Variants in CDK12 observed in about 807,000 individuals in gnomAD.
CDK12 encodes the protein cyclin-dependent kinase 12.
CDK12 carries 17 observed loss-of-function variants against 133.8 expected under a neutral mutation model. The observed-to-expected ratio is 0.13, with a 90% CI of 0.09 to 0.19. The LOEUF is 0.19. Among genes scored for constraint, CDK12 ranks in the 10% least tolerant of loss-of-function variants. CDK12 has a pLI of 1.00. For missense variants in CDK12, 1,508 were observed against 1,818.7 expected, an observed-to-expected ratio of 0.83 and a Z score of 3.11; for synonymous variants, 694 against 683.6, an observed-to-expected ratio of 1.02 and a Z score of -0.24.
chr17:39,488,444 C>CT (rs1286814590), intron 2 of CDK12, among the ~76,000 whole-genome samples: 1 of 152,062 alleles, frequency 6.6e-6, no homozygotes, highest in African/African-American at 2.4e-5. Context: ...GGTTTGCCTT[C>CT]TGCTTTGAAG....
upstream of CDK12, chr17:39,544,276 G>A: frequency 2.0e-6 from 1 of 488,214 alleles, no homozygotes; most frequent in Non-Finnish European, 4.1e-6. Context: ...AATGCCCTCT[G>A]AGGAATGCAG....
chr17:39,558,818 T>A (rs6503520), intron 3 of CDK12, among the ~76,000 whole-genome samples: 119,760 of 152,082 alleles, frequency 0.79, 47,673 homozygotes, highest in South Asian at 0.92. Context: ...TAATTTTCGT[T>A]TTTTTAGTAG....
At chr17:39,477,910 A>G (rs2050344706) in intron 2 of CDK12, among the ~76,000 whole-genome samples, 2 of 150,982 alleles carry the variant, frequency 1.3e-5, no homozygotes, top group East Asian at 2.0e-4. Context: ...GTTTCACTAC[A>G]TTGACCAGGC....
chr17:39,563,462 C>G (rs1199015918), intron 3 of CDK12, among the ~76,000 whole-genome samples: 1 of 27,052 alleles, frequency 3.7e-5, no homozygotes, highest in African/African-American at 9.8e-5. Flanking sequence ...TCTTGCTTCC[C>G]GCCCCCCCCC....
chr17:39,520,084 C>T lies in CDK12; in HGVS notation c.3092C>T (p.Pro1031Leu), dbSNP rs756065405. The change falls in exon 11 of 14, where the codon CCA (proline) becomes CTA (leucine). Residue 1031 changes from proline (P) to leucine (L), a missense_variant. This residue lies in a region of CDK12 where 399 missense variants were observed against 469.6 expected (regional missense o/e 0.85). Transcript: ENST00000447079. ...GTCGAACTCAGCAAAATGGCTCCTCCAGAGTAAGTGCTGGTAGCCATGTTG... is the reference window on the plus strand; with the variant it reads ...GTCGAACTCAGCAAAATGGCTCCTCTAGAGTAAGTGCTGGTAGCCATGTTG... Reference protein sequence around the residue: ...KDVELSKMAPPDLPHWQDCHE... With the variant: ...KDVELSKMAPLDLPHWQDCHE... 1 of 1,613,918 alleles carries T rather than the reference C, an allele frequency of 6.2e-7. No homozygotes were observed. Among genetic ancestry groups the T allele is most frequent in the Admixed American group, 1.7e-5 (1 of 60,000 alleles).
At chr17:39,472,230 C>T (rs1057483352) in intron 2 of CDK12, among the ~76,000 whole-genome samples, 1 of 152,042 alleles carries the variant, frequency 6.6e-6, no homozygotes, top group Non-Finnish European at 1.5e-5. Context: ...GTGATTTTCC[C>T]ACCTGGGCCT....
chr17:39,516,105 C>G (rs1310849358), intron 9 of CDK12, among the ~76,000 whole-genome samples: 1 of 152,148 alleles, frequency 6.6e-6, no homozygotes, highest in African/African-American at 2.4e-5. Flanking sequence ...ATTTATTCAG[C>G]AAACATTTAT....
chr17:39,481,647 T>TCTCTCTCGCG (rs2050682823), intron 2 of CDK12, among the ~76,000 whole-genome samples: 1 of 10,726 alleles, frequency 9.3e-5, no homozygotes, highest in African/African-American at 2.3e-4. Flanking sequence ...TCTCTCTCTC[T>TCTCTCTCGCG]CTCTCTCTCT....
At chr17:39,507,363 G>C (rs1243987365) in intron 6 of CDK12, among the ~76,000 whole-genome samples, 1 of 150,950 alleles carries the variant, frequency 6.6e-6, no homozygotes, top group Non-Finnish European at 1.5e-5. Flanking sequence ...GAGGCAGGCG[G>C]ATCACCTGAG....
Position 39,531,230 on chromosome 17 carries a change from A to C in CDK12, c.4387A>C (p.Thr1463Pro). The C allele has an allele frequency of 6.6e-7, 1 of 1,516,072 alleles. No individual in the cohort carries two copies. The highest frequency in any genetic ancestry group is 8.8e-7 in the Non-Finnish European group (1 of 1,134,430). The allele number at this position is 1,516,072 out of a possible 1,614,324, so 93.9% of individuals were successfully genotyped here. ...AGCAGGCCTTCACTGGGGGGGCCCA[A>C]CTCAGTCTTCTGCTTATGGAAAACT... ...SGAGLHWGGPTQSSAYGKLYR... is the reference protein window; with the variant it reads ...SGAGLHWGGPPQSSAYGKLYR... Residue 1463 changes from threonine to proline, a missense_variant, in exon 14 of 14, where the codon ACT becomes CCT. By Grantham distance (38) the Thr-to-Pro change is conservative. This residue lies in a region of CDK12 where 114 missense variants were observed against 101.2 expected (regional missense o/e 1.13). Transcript: ENST00000447079.
intron 2 of CDK12, among the ~76,000 whole-genome samples, chr17:39,481,643 T>C (rs369451956): frequency 7.4e-4 from 7 of 9,420 alleles, no homozygotes; most frequent in African/African-American, 1.5e-3. Context: ...GCTCTCTCTC[T>C]CTCTCTCTCT....
intron 13 of CDK12, among the ~76,000 whole-genome samples, chr17:39,529,410 CTTT>C (rs2054690516): frequency 5.9e-5 from 9 of 152,246 alleles, no homozygotes; most frequent in Admixed American, 5.9e-4. Flanking sequence ...TGAGTAATGA[CTTT>C]ACATCACAGC....
intron 1 of CDK12, among the ~76,000 whole-genome samples, chr17:39,540,907 G>A (rs891526825): frequency 1.3e-5 from 2 of 152,318 alleles, no homozygotes; most frequent in African/African-American, 2.4e-5. Context: ...GCCTGCGGGA[G>A]CCCTTAGCTT....
chr17:39,559,080 A>C (rs1488391914), intron 3 of CDK12, among the ~76,000 whole-genome samples: 1 of 152,222 alleles, frequency 6.6e-6, no homozygotes, highest in Non-Finnish European at 1.5e-5. Context: ...TCCTCATTGG[A>C]ATTCTACATT....
chr17:39,473,722 T>G (rs1018273790), intron 2 of CDK12, among the ~76,000 whole-genome samples: 1 of 151,954 alleles, frequency 6.6e-6, no homozygotes, highest in Non-Finnish European at 1.5e-5. Flanking sequence ...CTGTCTCTAC[T>G]AAAAATACAA....
chr17:39,485,957 C>CTTTTT (rs994932445), intron 2 of CDK12, among the ~76,000 whole-genome samples: 1 of 142,882 alleles, frequency 7.0e-6, no homozygotes, highest in Non-Finnish European at 1.5e-5. Context: ...TTTTCTTTTT[C>CTTTTT]TTTTTTTTTT....
chr17:39,490,500 T>C, intron 2 of CDK12, 57 bp from the exon 3 acceptor site: 1 of 1,319,828 alleles, frequency 7.6e-7, no homozygotes, highest in Non-Finnish European at 1.0e-6. Flanking sequence ...TCTTTGAAAA[T>C]TTTTATTTGC....
chr17:39,478,404 G>C (rs2145438847), intron 2 of CDK12, among the ~76,000 whole-genome samples: 1 of 152,004 alleles, frequency 6.6e-6, no homozygotes, highest in Admixed American at 6.6e-5. Flanking sequence ...ATGTCATCCA[G>C]GCTGGTCCCG....
intron 5 of CDK12, among the ~76,000 whole-genome samples, chr17:39,496,003 C>T (rs1754122710): frequency 6.6e-6 from 1 of 151,862 alleles, no homozygotes; most frequent in South Asian, 2.1e-4. Context: ...CCTCCACCTC[C>T]CAGGTTCAAG....
Sources: allele counts gnomAD v4.1 joint callset (sites outside exome capture counted in the v4.1 genomes callset), GRCh38; gene constraint gnomAD v4.1.1; regional missense constraint gnomAD v4.1.1; transcripts MANE v1.5; gene names NCBI Gene and HGNC (gene_info 2026-07-23, HGNC 2026-07-21).